Variants in CCDC3 observed in about 807,000 individuals in gnomAD.
CCDC3 encodes coiled-coil domain containing 3.
A neutral mutation model predicts 21.4 loss-of-function variants in CCDC3; 24 were observed. The ratio of observed to expected loss-of-function variants is 1.12; its 90% CI spans 0.81 to 1.58. The LOEUF (loss-of-function observed/expected upper bound fraction) is 1.58. Ranked by LOEUF, CCDC3 falls within the 40% of genes most tolerant of loss-of-function variation. The pLI is 0.00. For synonymous variants in CCDC3, 186 were observed against 166.0 expected, an observed-to-expected ratio of 1.12 and a Z score of -0.93; for missense variants, 425 against 360.9, an observed-to-expected ratio of 1.18 and a Z score of -1.44.
At chr10:12,965,939 A>G (rs573792295) in intron 2 of CCDC3, among the ~76,000 whole-genome samples, 1 of 152,314 alleles carries the variant, frequency 6.6e-6, no homozygotes, top group South Asian at 2.1e-4. Context: ...GAGTCTTGTG[A>G]AAGTGAATAA....
At chr10:12,958,471 T>G (rs191708204) in intron 2 of CCDC3, among the ~76,000 whole-genome samples, 31 of 152,254 alleles carry the variant, frequency 2.0e-4, no homozygotes, top group Admixed American at 7.2e-4. Flanking sequence ...TTAAGCTGCT[T>G]TGGGTACCAT....
At chr10:12,991,431 C>T (rs1835681679) in intron 2 of CCDC3, among the ~76,000 whole-genome samples, 1 of 152,152 alleles carries the variant, frequency 6.6e-6, no homozygotes, top group African/African-American at 2.4e-5. Context: ...AGCGATCCTC[C>T]TGCCTCAGCC....
intron 4 of CCDC3, among the ~76,000 whole-genome samples, chr10:13,063,494 T>G (rs1485798409): frequency 1.3e-5 from 2 of 152,224 alleles, no homozygotes; most frequent in Non-Finnish European, 2.9e-5. Context: ...GAATGCTTTA[T>G]GTGTGTAGAT....
chr10:12,938,750 C>T (rs925009923), intron 2 of CCDC3, among the ~76,000 whole-genome samples: 2 of 152,178 alleles, frequency 1.3e-5, no homozygotes, highest in South Asian at 2.1e-4. Flanking sequence ...ACTCCTCCCA[C>T]CCTCTTTTTC....
intron 5 of CCDC3, among the ~76,000 whole-genome samples, chr10:13,019,509 A>C (rs1836118408): frequency 6.6e-6 from 1 of 151,956 alleles, no homozygotes; most frequent in Non-Finnish European, 1.5e-5. Flanking sequence ...CTCGTTGTAG[A>C]GGTATCACGT....
In CCDC3 at chr10:12,897,983, C is replaced by T. The variant is rs145176999; in HGVS notation, c.*433G>A. The T allele has an allele frequency of 5.1e-3, 806 of 156,876 alleles. 8 individuals are homozygous for T. Among genetic ancestry groups the T allele is most frequent in the African/African-American group, 0.018 (752 of 41,678 alleles). 9.7% of individuals were successfully genotyped at this position (156,876 alleles called of 1,614,324 possible). ...AGGTGCCAGCAGGTTCCAGCACCAGCGTCAGCTCACTCATCAGGACTAATG... is the reference window on the plus strand; with the variant it reads ...AGGTGCCAGCAGGTTCCAGCACCAGTGTCAGCTCACTCATCAGGACTAATG... On this transcript the variant is annotated 3_prime_UTR_variant, in exon 3 of 3. Coordinates refer to ENST00000378825, the MANE Select transcript of CCDC3 (RefSeq NM_031455.4).
intron 2 of CCDC3, among the ~76,000 whole-genome samples, chr10:12,939,009 C>T (rs1010253504): frequency 1.3e-5 from 2 of 152,208 alleles, no homozygotes; most frequent in Non-Finnish European, 2.9e-5. Context: ...CTTCTCTCCT[C>T]CTATCTCTGA....
At chr10:12,965,885 A>G (rs558199936) in intron 2 of CCDC3, among the ~76,000 whole-genome samples, 3 of 152,348 alleles carry the variant, frequency 2.0e-5, no homozygotes, top group African/African-American at 7.2e-5. Flanking sequence ...AAGTATGTAG[A>G]GAATAGGATT....
At chr10:12,909,616 G>A (rs563072154) in intron 2 of CCDC3, among the ~76,000 whole-genome samples, 3 of 152,192 alleles carry the variant, frequency 2.0e-5, no homozygotes, top group Non-Finnish European at 4.4e-5. Context: ...GTGCCGGAAG[G>A]GCTCTGAAGT....
chr10:13,067,092 C>T (rs1836828634), intron 4 of CCDC3, among the ~76,000 whole-genome samples: 2 of 152,150 alleles, frequency 1.3e-5, no homozygotes, highest in African/African-American at 4.8e-5. Flanking sequence ...CCTTTTTGTC[C>T]TTGGGCTTCT....
intron 5 of CCDC3, among the ~76,000 whole-genome samples, chr10:13,026,155 G>T (rs553906091): frequency 1.3e-5 from 2 of 152,280 alleles, no homozygotes; most frequent in African/African-American, 4.8e-5. Flanking sequence ...ACTCCAGCCT[G>T]TGTGACAAAA....
At chr10:12,936,420 G>A in intron 2 of CCDC3, among the ~76,000 whole-genome samples, 1 of 152,128 alleles carries the variant, frequency 6.6e-6, no homozygotes, top group East Asian at 1.9e-4. Context: ...TGCAGTGGGT[G>A]TGATCATGGC....
At chr10:12,961,154 C>T (rs1480247134) in intron 2 of CCDC3, among the ~76,000 whole-genome samples, 1 of 152,128 alleles carries the variant, frequency 6.6e-6, no homozygotes, top group African/African-American at 2.4e-5. Flanking sequence ...TTCCACAGAC[C>T]TAAGTTCCGG....
intron 2 of CCDC3, among the ~76,000 whole-genome samples, chr10:12,966,995 C>T (rs185121764): frequency 1.3e-4 from 20 of 152,320 alleles, no homozygotes; most frequent in South Asian, 4.1e-4. Flanking sequence ...TCTTCCAGAT[C>T]TCTTTTGCTG....
intron 2 of CCDC3, among the ~76,000 whole-genome samples, chr10:12,984,748 A>T (rs1317356415): frequency 1.3e-5 from 2 of 152,242 alleles, no homozygotes; most frequent in African/African-American, 4.8e-5. Flanking sequence ...ATACTACAAT[A>T]TGAACGAAGC....
At chr10:12,984,979 G>A (rs1004299882) in intron 2 of CCDC3, among the ~76,000 whole-genome samples, 2 of 152,168 alleles carry the variant, frequency 1.3e-5, no homozygotes, top group African/African-American at 4.8e-5. Flanking sequence ...GTTAAAAGTG[G>A]TGACGGTTAC....
At chr10:13,058,622 T>C (rs1407871423) in intron 4 of CCDC3, 1 of 600,896 alleles carries the variant, frequency 1.7e-6, no homozygotes, top group Admixed American at 2.5e-5. Flanking sequence ...CTTCTAAACG[T>C]CACTTGGTAT....
At chr10:13,002,437 G>C (rs775279668), upstream of CCDC3, among the ~76,000 whole-genome samples, 1 of 151,950 alleles carries the variant, frequency 6.6e-6, no homozygotes, top group East Asian at 1.9e-4. Flanking sequence ...ACCCAGGCTG[G>C]AGTACAGTGG....
intron 3 of CCDC3, among the ~76,000 whole-genome samples, chr10:13,090,283 G>A (rs375487836): frequency 1.1e-4 from 16 of 151,742 alleles, no homozygotes; most frequent in East Asian, 5.8e-4. Flanking sequence ...GAGAGACAAG[G>A]TTTCACCATG....
Sources: gnomAD v4.1 joint callset for allele counts (sites outside exome capture counted in the v4.1 genomes callset) on GRCh38, gnomAD v4.1.1 for gene constraint, MANE v1.5 for transcripts, NCBI Gene and HGNC (gene_info 2026-07-23, HGNC 2026-07-21) for gene names.